The following ABL1 variants were observed in gnomAD, a reference collection of about 807,000 sequenced individuals.
ABL1 encodes the protein ABL proto-oncogene 1, non-receptor tyrosine kinase.
ABL1 carries 11 observed loss-of-function variants against 94.7 expected under a neutral mutation model. The ratio of observed to expected loss-of-function variants is 0.12; its 90% CI spans 0.07 to 0.19. The LOEUF (loss-of-function observed/expected upper bound fraction) is 0.19. Among genes scored for constraint, ABL1 ranks in the 10% least tolerant of loss-of-function variants. The pLI, the probability that ABL1 is intolerant of heterozygous loss-of-function variation, is 1.00. For missense variants in ABL1, 1,082 were observed against 1,489.4 expected, an observed-to-expected ratio of 0.73 and a Z score of 4.50; for synonymous variants, 656 against 622.4, an observed-to-expected ratio of 1.05 and a Z score of -0.80.
intron 1 of ABL1, among the ~76,000 whole-genome samples, chr9:130,819,784 G>A (rs1393288099): frequency 2.0e-5 from 3 of 151,312 alleles, no homozygotes; most frequent in Non-Finnish European, 4.4e-5. Flanking sequence ...CTCGTGATCC[G>A]CCCGCCTCAG....
exon 1 of ABL1, chr9:130,714,250 C>T (rs561156476): frequency 1.4e-6 from 2 of 1,465,126 alleles, no homozygotes; most frequent in African/African-American, 2.8e-5. Context: ...ATGCCATTTC[C>T]CTCTACGCTC....
At chr9:130,738,743 A>C (rs1831777170) in intron 1 of ABL1, among the ~76,000 whole-genome samples, 1 of 152,220 alleles carries the variant, frequency 6.6e-6, no homozygotes, top group Non-Finnish European at 1.5e-5. Context: ...ATTTTGCTCA[A>C]AGCCCCAGTT....
At chr9:130,882,825 C>T (rs929758520) in intron 10 of ABL1, among the ~76,000 whole-genome samples, 9 of 152,144 alleles carry the variant, frequency 5.9e-5, no homozygotes, top group Admixed American at 3.9e-4. Flanking sequence ...TGAGCCACCG[C>T]GCCTGGCTAC....
intron 3 of ABL1, among the ~76,000 whole-genome samples, chr9:130,859,713 G>C (rs1278386607): frequency 9.1e-6 from 1 of 110,296 alleles, no homozygotes; most frequent in Non-Finnish European, 1.7e-5. Context: ...TTTTGAGACA[G>C]GCTGTCACCC....
At chr9:130,866,891 G>A (rs1454508598) in intron 4 of ABL1, among the ~76,000 whole-genome samples, 1 of 152,174 alleles carries the variant, frequency 6.6e-6, no homozygotes, top group East Asian at 1.9e-4. Context: ...TTGCCCAGCT[G>A]GCCTCAAACT....
At chr9:130,726,144 C>T (rs942874077) in intron 1 of ABL1, among the ~76,000 whole-genome samples, 4 of 151,920 alleles carry the variant, frequency 2.6e-5, no homozygotes, top group South Asian at 2.1e-4. Context: ...AGCTCCCTTG[C>T]GCGACCTGAT....
At chr9:130,847,167 G>T (rs1830786347) in intron 1 of ABL1, among the ~76,000 whole-genome samples, 1 of 152,082 alleles carries the variant, frequency 6.6e-6, no homozygotes, top group Non-Finnish European at 1.5e-5. Flanking sequence ...TAACAATATG[G>T]TTTTAAGTGG....
At chr9:130,775,737 C>G (rs1267387978) in intron 1 of ABL1, among the ~76,000 whole-genome samples, 8 of 151,512 alleles carry the variant, frequency 5.3e-5, no homozygotes, top group Non-Finnish European at 5.9e-5. Context: ...GAGCAAATCC[C>G]ACGTGGAATT....
intron 1 of ABL1, among the ~76,000 whole-genome samples, chr9:130,843,411 TA>T (rs1166096660): frequency 2.0e-5 from 3 of 152,186 alleles, no homozygotes; most frequent in Non-Finnish European, 4.4e-5. Context: ...ACAGCCCAAC[TA>T]GGTTGATGCC....
chr9:130,729,930 A>G (rs1343936467), intron 1 of ABL1, among the ~76,000 whole-genome samples: 2 of 146,680 alleles, frequency 1.4e-5, no homozygotes, highest in African/African-American at 5.1e-5. Flanking sequence ...TTTTTGGTAG[A>G]TAGGGTTTCA....
chr9:130,843,388 T>C (rs892725452), intron 1 of ABL1, among the ~76,000 whole-genome samples: 3 of 152,200 alleles, frequency 2.0e-5, no homozygotes, highest in African/African-American at 7.2e-5. Flanking sequence ...GCAGGATTCA[T>C]TGAGCCCTCC....
Position 130,887,578 on chromosome 9 carries a change from A to G in ABL1, c.*1895A>G, listed in dbSNP as rs1831611288. 4.3e-6 allele frequency: 1 copy of G among 232,004 alleles called. No homozygotes were observed. Among genetic ancestry groups the G allele is most frequent in the South Asian group, 1.8e-4 (1 of 5,406 alleles). 14.4% of individuals were successfully genotyped at this position (232,004 alleles called of 1,614,324 possible). On this transcript the variant is annotated 3_prime_UTR_variant, in exon 11 of 11. Transcript: ENST00000318560. ...GCTCCCCCTCTGCTTCTCGGGGTCC[A>G]GTGCATTTTGTTTCTGTATATGATT...
intron 1 of ABL1, among the ~76,000 whole-genome samples, chr9:130,716,232 C>A (rs1428905954): frequency 6.6e-6 from 1 of 151,364 alleles, no homozygotes; most frequent in African/African-American, 2.4e-5. Flanking sequence ...GTAGGTGGGA[C>A]TACAGGCACG....
chr9:130,795,320 A>C (rs1829960861), intron 1 of ABL1, among the ~76,000 whole-genome samples: 1 of 152,196 alleles, frequency 6.6e-6, no homozygotes, highest in South Asian at 2.1e-4. Context: ...CACTTAATAC[A>C]TTTTGTTTAA....
intron 1 of ABL1, among the ~76,000 whole-genome samples, chr9:130,829,381 G>A (rs1830464607): frequency 6.6e-6 from 1 of 152,092 alleles, no homozygotes; most frequent in Non-Finnish European, 1.5e-5. Flanking sequence ...GTAACACAGT[G>A]AAACCCCGTC....
intron 1 of ABL1, among the ~76,000 whole-genome samples, chr9:130,794,666 A>G (rs1343265236): frequency 1.3e-5 from 2 of 152,204 alleles, no homozygotes; most frequent in Non-Finnish European, 2.9e-5. Context: ...AAATGCTTTC[A>G]TAACTGGTGA....
chr9:130,832,343 A>T (rs1283253628), upstream of ABL1, among the ~76,000 whole-genome samples: 1 of 151,594 alleles, frequency 6.6e-6, no homozygotes, highest in African/African-American at 2.4e-5. Context: ...AAAAAAAAAA[A>T]TCTTAAATAG....
chr9:130,856,061 G>T (rs1312920249), intron 3 of ABL1, among the ~76,000 whole-genome samples: 1 of 151,980 alleles, frequency 6.6e-6, no homozygotes, highest in African/African-American at 2.4e-5. Context: ...GACCACAGGC[G>T]CACACCACCA....
At chr9:130,867,130 T>G (rs1044290059) in intron 4 of ABL1, among the ~76,000 whole-genome samples, 4 of 152,256 alleles carry the variant, frequency 2.6e-5, no homozygotes, top group African/African-American at 9.6e-5. Context: ...CTGACAAATT[T>G]ACTACTTAAA....
Sources: allele counts gnomAD v4.1 joint callset (sites outside exome capture counted in the v4.1 genomes callset), GRCh38; gene constraint gnomAD v4.1.1; transcripts MANE v1.5; gene names NCBI Gene and HGNC (gene_info 2026-07-23, HGNC 2026-07-21).